ANKRD11: variants seen among roughly 807,000 people sequenced by gnomAD.
ANKRD11 encodes the protein ankyrin repeat domain 11, also known as ankyrin repeat domain-containing protein 11.
ANKRD11 carries 17 observed loss-of-function variants against 195.7 expected under a neutral mutation model. That is an observed-to-expected ratio of 0.09 (90% CI 0.06 to 0.13). ANKRD11 has a LOEUF of 0.13. ANKRD11 is among the 10% of genes least tolerant of loss of function. The pLI, the probability that ANKRD11 is intolerant of heterozygous loss-of-function variation, is 1.00. For synonymous variants in ANKRD11, 1,953 were observed against 1,528.1 expected, an observed-to-expected ratio of 1.28 and a Z score of -6.49; for missense variants, 3,735 against 3,566.1, an observed-to-expected ratio of 1.05 and a Z score of -1.21.
At chr16:89,304,965 C>T (rs1425738943) in intron 4 of ANKRD11, 24 of 598,538 alleles carry the variant, frequency 4.0e-5, no homozygotes, top group East Asian at 3.3e-4. Context: ...TGCATCTCCA[C>T]GTGTGTGGGA....
intron 6 of ANKRD11, among the ~76,000 whole-genome samples, chr16:89,289,375 T>C (rs997934930): frequency 1.3e-5 from 2 of 152,190 alleles, no homozygotes; most frequent in Non-Finnish European, 2.9e-5. Flanking sequence ...CACACACGAT[T>C]TTGCTCATCT....
At chr16:89,354,243 C>CAAAAAAAAAA (rs5818711) in intron 2 of ANKRD11, among the ~76,000 whole-genome samples, 1 of 126,240 alleles carries the variant, frequency 7.9e-6, no homozygotes, top group Admixed American at 7.9e-5. Context: ...TGCATTCAGC[C>CAAAAAAAAAA]AAAAAAAAAA....
At chr16:89,332,426 C>T (rs180969853) in intron 2 of ANKRD11, among the ~76,000 whole-genome samples, 42 of 152,186 alleles carry the variant, frequency 2.8e-4, no homozygotes, top group Non-Finnish European at 4.1e-4. Flanking sequence ...CAGCTCCACA[C>T]GTCCCTCCAC....
intron 2 of ANKRD11, among the ~76,000 whole-genome samples, chr16:89,376,561 C>T (rs2040431284): frequency 6.6e-6 from 1 of 152,150 alleles, no homozygotes; most frequent in African/African-American, 2.4e-5. Flanking sequence ...CCTCAGCCTC[C>T]CAAGTAGCTG....
At chr16:89,479,547 A>T (rs1426853610) in intron 1 of ANKRD11, among the ~76,000 whole-genome samples, 1 of 152,044 alleles carries the variant, frequency 6.6e-6, no homozygotes, top group Non-Finnish European at 1.5e-5. Flanking sequence ...AGGCAAGAGA[A>T]TCATTTGAAC....
chr16:89,426,824 A>G (rs1204020034), intron 1 of ANKRD11, among the ~76,000 whole-genome samples: 3 of 152,250 alleles, frequency 2.0e-5, no homozygotes, highest in South Asian at 2.1e-4. Context: ...AAATCCGGGA[A>G]GCGGCTGTTT....
intron 4 of ANKRD11, among the ~76,000 whole-genome samples, chr16:89,302,200 C>T (rs541916549): frequency 1.2e-3 from 177 of 152,340 alleles, no homozygotes; most frequent in African/African-American, 3.9e-3. Context: ...AGAGCCACAG[C>T]GCCCAGCAGC....
At position 89,490,503 on chromosome 16, in the gene ANKRD11, G is replaced by A; in HGVS notation, c.-403C>T. The A allele has an allele frequency of 2.1e-6, 1 of 466,510 alleles. No homozygotes were observed. Among genetic ancestry groups the A allele is most frequent in the Non-Finnish European group, 3.9e-6 (1 of 259,542 alleles). The allele number at this position is 466,510 out of a possible 1,614,324, so 28.9% of individuals were successfully genotyped here. Reference sequence around the variant, plus strand: ...TGGGGCGTCTGGCCGCGGGCTCGGCGGCGGCGCCTCCCCGGCTGGGGCCCT... The same window carrying A: ...TGGGGCGTCTGGCCGCGGGCTCGGCAGCGGCGCCTCCCCGGCTGGGGCCCT... On this transcript the variant is annotated 5_prime_UTR_variant, in exon 1 of 13. Coordinates refer to ENST00000301030, the MANE Select transcript of ANKRD11 (RefSeq NM_013275.6).
At chr16:89,484,379 C>G (rs1407418164) in intron 1 of ANKRD11, among the ~76,000 whole-genome samples, 1 of 152,184 alleles carries the variant, frequency 6.6e-6, no homozygotes, top group African/African-American at 2.4e-5. Context: ...ATAATGATTT[C>G]AAGTTTACAT....
chr16:89,283,507 T>C lies in ANKRD11; in HGVS notation c.3035A>G (p.Lys1012Arg). 2 of 1,613,850 alleles carry C rather than the reference T, an allele frequency of 1.2e-6. No individual in the cohort carries two copies. The highest frequency in any genetic ancestry group is 1.7e-6 in the Non-Finnish European group (2 of 1,180,028). ...CTTCCTTTCCTTATCGGGGCCATCC[T>C]TCTTCTCCTTCTCTCGTGCTGGGTG... ...RHHPAREKEK[K>R]DGPDKERKEK... The change falls in exon 9 of 13, where the codon AAG (lysine) becomes AGG (arginine). Residue 1012 changes from lysine (K) to arginine (R), a missense_variant. By Grantham distance (26) the Lys-to-Arg change is conservative. Transcript: ENST00000301030. This position sits in a 1 kb window ranked among gnomAD's most constrained non-coding sequence, Gnocchi z 4.3.
At position 89,279,960 on chromosome 16, in the gene ANKRD11, C is replaced by T. The variant is rs1404471185; in HGVS notation, c.6582G>A (p.Gln2194=). The part of the protein sequence containing the change: ...AEEPPALPPD[Q]ASTRLPAELE... ...GCTCTGCAGGGAGCCGGGTGGAGGC[C>T]TGGTCAGGAGGCAGTGCCGGCGGCT... Residue 2194 remains glutamine (Q), a synonymous_variant, in exon 9 of 13, where the codon CAG becomes CAA. Coordinates refer to ENST00000301030, the MANE Select transcript of ANKRD11 (RefSeq NM_013275.6). This position sits in a 1 kb window ranked among gnomAD's most constrained non-coding sequence, Gnocchi z 5.6. The T allele has an allele frequency of 6.2e-7, 1 of 1,610,526 alleles. No homozygotes were observed. The highest frequency in any genetic ancestry group is 8.5e-7 in the Non-Finnish European group (1 of 1,179,886).
chr16:89,285,952 C>A lies in ANKRD11; in HGVS notation c.892+87G>T. ...CCCCAGCATCCGAGGAGGAGCTGAT[C>A]AGAGGGGCAACACTGTGCAAACACC... On this transcript the variant is annotated intron_variant, in intron 8 of 12. Coordinates refer to ENST00000301030, the MANE Select transcript of ANKRD11 (RefSeq NM_013275.6). The surrounding 1 kb of genome is among the most constrained non-coding windows in gnomAD (Gnocchi z 5.6). The A allele has an allele frequency of 6.2e-7, 1 of 1,600,868 alleles. No homozygotes were observed. The highest frequency in any genetic ancestry group is 8.5e-7 in the Non-Finnish European group (1 of 1,171,584).
chr16:89,369,590 G>A (rs1377761239), intron 2 of ANKRD11, among the ~76,000 whole-genome samples: 2 of 152,234 alleles, frequency 1.3e-5, no homozygotes, highest in African/African-American at 2.4e-5. Context: ...GGTTGCCAGG[G>A]TGGAAAGAGG....
At chr16:89,268,767 G>T in intron 12 of ANKRD11, 104 bp from the exon 13 acceptor site, 1 of 1,361,862 alleles carries the variant, frequency 7.3e-7, no homozygotes, top group Non-Finnish European at 1.0e-6. Flanking sequence ...ATACGGCCGT[G>T]AACCTACCCT....
intron 1 of ANKRD11, among the ~76,000 whole-genome samples, chr16:89,434,903 C>T (rs964283619): frequency 2.1e-4 from 32 of 152,212 alleles, no homozygotes; most frequent in African/African-American, 7.2e-4. Flanking sequence ...AGAAAACCCA[C>T]GACAAACTGA....
rs778741936 is a variant in ANKRD11 at position 89,281,117 on chromosome 16, G to A, written c.5425C>T (p.Leu1809Phe). 5.0e-6 allele frequency: 8 copies of A among 1,612,182 alleles called. No individual in the cohort carries two copies. Among genetic ancestry groups the A allele is most frequent in the South Asian group, 1.1e-5 (1 of 91,054 alleles). Reference sequence around the variant, plus strand: ...GCAGGAACGCTCTGCTGCCTGAAGAGCTTGTCTCCGACGCTGAATTCTTCC... The same window carrying A: ...GCAGGAACGCTCTGCTGCCTGAAGAACTTGTCTCCGACGCTGAATTCTTCC... The part of the protein sequence containing the change: ...PEEEFSVGDK[L>F]FRQQSVPAAS... Residue 1809 changes from leucine to phenylalanine, a missense_variant, in exon 9 of 13, where the codon CTC becomes TTC. Leu to Phe is a conservative substitution (Grantham distance 22). Coordinates refer to ENST00000301030, the MANE Select transcript of ANKRD11 (RefSeq NM_013275.6). This position sits in a 1 kb window ranked among gnomAD's most constrained non-coding sequence, Gnocchi z 5.5.
chr16:89,294,204 A>G lies in ANKRD11; in HGVS notation c.227-3021T>C, dbSNP rs553485330. Reference sequence around the variant, plus strand: ...TTGGCTTCCCTTACGCGGCCAGGACAGCTTTACAGGGCTGGCTCCCAGCAA... The same window carrying G: ...TTGGCTTCCCTTACGCGGCCAGGACGGCTTTACAGGGCTGGCTCCCAGCAA... On this transcript the variant is annotated intron_variant, in intron 4 of 12. Coordinates refer to ENST00000301030, the MANE Select transcript of ANKRD11 (RefSeq NM_013275.6). Among the ~76,000 whole-genome samples, 13 of 152,266 alleles carry G rather than the reference A, an allele frequency of 8.5e-5. No homozygotes were observed. In the South Asian group the frequency reaches 2.7e-3, roughly 32 times the overall value.
At chr16:89,332,959 G>T (rs1318166016) in intron 2 of ANKRD11, among the ~76,000 whole-genome samples, 1 of 152,234 alleles carries the variant, frequency 6.6e-6, no homozygotes, top group African/African-American at 2.4e-5. Flanking sequence ...ACAGAACAGC[G>T]GGGCTGCTCC....
At chr16:89,488,086 T>C (rs148942554) in intron 1 of ANKRD11, among the ~76,000 whole-genome samples, 100 of 152,224 alleles carry the variant, frequency 6.6e-4, no homozygotes, top group African/African-American at 2.3e-3. Flanking sequence ...GTGACACCTT[T>C]AAAAACAAAA....
Sources: allele counts gnomAD v4.1 joint callset (sites outside exome capture counted in the v4.1 genomes callset), GRCh38; gene constraint gnomAD v4.1.1; non-coding constraint Gnocchi (gnomAD v3.1); transcripts MANE v1.5; gene names NCBI Gene and HGNC (gene_info 2026-07-23, HGNC 2026-07-21).